Variants in NHS observed in about 807,000 individuals in gnomAD.
The protein encoded by NHS is NHS actin remodeling regulator, also known as actin remodeling regulator NHS.
Under a neutral mutation model 72.5 loss-of-function variants are expected in NHS, and 5 were observed. That is an observed-to-expected ratio of 0.07 (90% CI 0.04 to 0.14). The LOEUF is 0.14. NHS is among the 10% of genes least tolerant of loss of function. The probability of loss-of-function intolerance (pLI) is 1.00; values close to 1 mark genes in which losing one functional copy is unlikely to be tolerated. For synonymous variants in NHS, 464 were observed against 547.7 expected (o/e 0.85, Z 2.13); for missense variants, 1,072 against 1,355.7 (o/e 0.79, Z 3.29).
chrX:17,528,909 A>C (rs2065185555), intron 1 of NHS, among the ~76,000 whole-genome samples: 1 of 111,960 alleles, frequency 8.9e-6, no homozygotes. Context: ...CACAAATACC[A>C]GATTGACAGC....
intron 8 of NHS, among the ~76,000 whole-genome samples, chrX:17,730,247 AGTGGG>A (rs1487211540): frequency 8.9e-6 from 1 of 112,571 alleles, no homozygotes; most frequent in Non-Finnish European, 1.9e-5. Context: ...GGACGTAAAT[AGTGGG>A]GTCAGAAAGA....
intron 1 of NHS, among the ~76,000 whole-genome samples, chrX:17,676,442 C>T (rs1156631131): frequency 8.9e-6 from 1 of 112,466 alleles, no homozygotes; most frequent in Non-Finnish European, 1.9e-5. Flanking sequence ...ATGATACTCA[C>T]GGTCTTCCCT....
intron 1 of NHS, among the ~76,000 whole-genome samples, chrX:17,512,732 G>A (rs776020879): frequency 8.9e-6 from 1 of 112,640 alleles, no homozygotes; most frequent in East Asian, 2.8e-4. Context: ...TAAGACAAGC[G>A]TTTAGAGCAG....
chrX:17,417,878 A>G (rs1203986514), intron 1 of NHS, among the ~76,000 whole-genome samples: 1 of 112,025 alleles, frequency 8.9e-6, no homozygotes, highest in African/African-American at 3.2e-5. Context: ...TTTGTGTGTC[A>G]ATGTTGTACC....
At chrX:17,427,128 G>T (rs2064661215) in intron 1 of NHS, among the ~76,000 whole-genome samples, 1 of 111,907 alleles carries the variant, frequency 8.9e-6, no homozygotes, top group Non-Finnish European at 1.9e-5. Flanking sequence ...TGCTAGTTCA[G>T]AGGATTTGGG....
chrX:17,401,442 A>G (rs775536511), intron 1 of NHS, among the ~76,000 whole-genome samples: 12 of 112,471 alleles, frequency 1.1e-4, no homozygotes, highest in African/African-American at 3.9e-4. Flanking sequence ...TGAAAAGTCA[A>G]CCCACAAAAT....
chrX:17,516,437 T>TC (rs1184692727), intron 1 of NHS, among the ~76,000 whole-genome samples: 3 of 111,131 alleles, frequency 2.7e-5, no homozygotes, highest in Admixed American at 9.7e-5. Flanking sequence ...TTGACAGACT[T>TC]CAGTGGCTAC....
intron 1 of NHS, among the ~76,000 whole-genome samples, chrX:17,674,784 G>C (rs779168834): frequency 2.5e-4 from 28 of 111,983 alleles, no homozygotes; most frequent in African/African-American, 8.1e-4. Flanking sequence ...AAGTCTTCTG[G>C]AGATCAAAGG....
chrX:17,566,302 CT>C (rs1256818908), intron 1 of NHS, among the ~76,000 whole-genome samples: 1 of 111,574 alleles, frequency 9.0e-6, no homozygotes, highest in Non-Finnish European at 1.9e-5. Context: ...ATGTTAATCA[CT>C]GAACATCTCT....
At chrX:17,619,397 G>C (rs1211669834) in intron 1 of NHS, among the ~76,000 whole-genome samples, 1 of 111,348 alleles carries the variant, frequency 9.0e-6, no homozygotes, top group Non-Finnish European at 1.9e-5. Context: ...TGAAATATGA[G>C]AATTGTTTGT....
intron 1 of NHS, among the ~76,000 whole-genome samples, chrX:17,659,091 C>T (rs1262468209): frequency 1.8e-5 from 2 of 112,358 alleles, no homozygotes; most frequent in African/African-American, 6.5e-5. Context: ...GGGTCTTCTG[C>T]ATCCAGAAGG....
chrX:17,536,474 C>T (rs4825335), intron 1 of NHS, among the ~76,000 whole-genome samples: 16,339 of 112,350 alleles, frequency 0.15, 1,092 homozygotes, highest in Admixed American at 0.22. Flanking sequence ...ATAACATCTC[C>T]AGCTGTCTCT....
At chrX:17,513,474 A>T (rs2065100698) in intron 1 of NHS, among the ~76,000 whole-genome samples, 1 of 112,383 alleles carries the variant, frequency 8.9e-6, no homozygotes, top group African/African-American at 3.2e-5. Context: ...TGCAAGTTCA[A>T]TGTTTTTCAG....
intron 2 of NHS, among the ~76,000 whole-genome samples, chrX:17,691,883 A>G (rs2066197789): frequency 8.9e-6 from 1 of 112,048 alleles, no homozygotes; most frequent in African/African-American, 3.2e-5. Context: ...GACTCACACA[A>G]ATTCCTGAAT....
chrX:17,615,163 A>C lies in NHS; in HGVS notation c.566-72579A>C, dbSNP rs745402830. Among the ~76,000 whole-genome samples the C allele has an allele frequency of 2.6e-4, 11 of 42,391 alleles. No individual in the cohort carries two copies. In the Admixed American group the frequency reaches 4.1e-3, roughly 16 times the overall value. The allele number at this position is 42,391 out of a possible 115,157, so 36.8% of individuals were successfully genotyped here. ...GTATATATATACGTGTATATATACT[A>C]TATATATACGTATATATATAGTATA... On this transcript the variant is annotated intron_variant, in intron 1 of 8. Transcript: ENST00000676302.
chrX:17,410,562 A>G (rs2064553113), intron 1 of NHS, among the ~76,000 whole-genome samples: 1 of 102,122 alleles, frequency 9.8e-6, no homozygotes, highest in African/African-American at 3.6e-5. Flanking sequence ...ACCAGTGAGT[A>G]AAGAAATCCG....
intron 1 of NHS, among the ~76,000 whole-genome samples, chrX:17,481,023 T>G (rs762785527): frequency 1.8e-5 from 2 of 111,764 alleles, no homozygotes; most frequent in African/African-American, 6.5e-5. Flanking sequence ...GTAAGTTGGC[T>G]TAAAGTTTAA....
chrX:17,508,020 A>G (rs1435540712), intron 1 of NHS, among the ~76,000 whole-genome samples: 1 of 111,522 alleles, frequency 9.0e-6, no homozygotes, highest in Non-Finnish European at 1.9e-5. Flanking sequence ...TATTATTATT[A>G]TTTTGGAATT....
At chrX:17,419,240 C>T (rs967241737) in intron 1 of NHS, among the ~76,000 whole-genome samples, 3 of 112,465 alleles carry the variant, frequency 2.7e-5, no homozygotes, top group Admixed American at 9.4e-5. Context: ...AACGGCCTGC[C>T]GTCAGCACCA....
Sources: gnomAD v4.1 joint callset for allele counts (sites outside exome capture counted in the v4.1 genomes callset) on GRCh38, gnomAD v4.1.1 for gene constraint, MANE v1.5 for transcripts, NCBI Gene and HGNC (gene_info 2026-07-23, HGNC 2026-07-21) for gene names.